TBC1D5: variants seen among roughly 807,000 people sequenced by gnomAD.
TBC1D5 encodes TBC1 domain family, member 5.
A neutral mutation model predicts 100.3 loss-of-function variants in TBC1D5; 75 were observed. That is an observed-to-expected ratio of 0.75 (90% CI 0.62 to 0.91). The LOEUF (loss-of-function observed/expected upper bound fraction) is 0.91, where lower values mean the gene tolerates loss of function less well. TBC1D5 is among the 40% of genes least tolerant of loss of function. TBC1D5 has a pLI of 0.00. For missense variants in TBC1D5, 910 were observed against 942.4 expected, an observed-to-expected ratio of 0.97 and a Z score of 0.45; for synonymous variants, 323 against 325.6, an observed-to-expected ratio of 0.99 and a Z score of 0.09.
chr3:17,463,838 C>T (rs1040513485), intron 3 of TBC1D5, among the ~76,000 whole-genome samples: 4 of 151,696 alleles, frequency 2.6e-5, no homozygotes, highest in African/African-American at 9.7e-5. Flanking sequence ...ATGTGGCCTG[C>T]TAATTTCATG....
At chr3:17,256,461 T>C (rs1024365642) in intron 16 of TBC1D5, among the ~76,000 whole-genome samples, 4 of 148,794 alleles carry the variant, frequency 2.7e-5, no homozygotes, top group African/African-American at 4.9e-5. Context: ...GTTATATATA[T>C]ATAAACTCAA....
chr3:17,180,254 G>A (rs2068284183), intron 19 of TBC1D5, among the ~76,000 whole-genome samples: 1 of 152,162 alleles, frequency 6.6e-6, no homozygotes, highest in Non-Finnish European at 1.5e-5. Flanking sequence ...AATTTTGGTA[G>A]TTTTGGCAAC....
intron 13 of TBC1D5, among the ~76,000 whole-genome samples, chr3:17,308,569 T>C (rs967284164): frequency 2.6e-5 from 4 of 152,266 alleles, no homozygotes; most frequent in East Asian, 1.9e-4. Flanking sequence ...ACAAATCCAA[T>C]AGAAACTTAG....
intron 14 of TBC1D5, among the ~76,000 whole-genome samples, chr3:17,301,930 T>C (rs2082886507): frequency 6.6e-6 from 1 of 152,244 alleles, no homozygotes; most frequent in South Asian, 2.1e-4. Context: ...TCTCACATTA[T>C]TTCTTTATTG....
chr3:17,398,753 T>C (rs2093571767), intron 8 of TBC1D5, among the ~76,000 whole-genome samples: 1 of 152,064 alleles, frequency 6.6e-6, no homozygotes, highest in Non-Finnish European at 1.5e-5. Flanking sequence ...AATTTTTTTT[T>C]CCTGTTTTCT....
intron 19 of TBC1D5, among the ~76,000 whole-genome samples, chr3:17,169,004 A>ATGCACAGGCTTCTCTT (rs1437220536): frequency 9.2e-5 from 14 of 152,164 alleles, no homozygotes; most frequent in Non-Finnish European, 1.5e-4. Flanking sequence ...CTCCAAATCT[A>ATGCACAGGCTTCTCTT]TGCACAGGCT....
chr3:17,705,920 G>C (rs527537088), intron 1 of TBC1D5: 14 of 1,010,484 alleles, frequency 1.4e-5, no homozygotes, highest in Admixed American at 1.1e-4. Flanking sequence ...CCTCGGGCCC[G>C]CGGGGCCCGT....
At chr3:17,693,658 G>T (rs1186563265) in intron 1 of TBC1D5, among the ~76,000 whole-genome samples, 1 of 152,254 alleles carries the variant, frequency 6.6e-6, no homozygotes, top group Non-Finnish European at 1.5e-5. Context: ...ACAGGCCTTA[G>T]CTGGACAAAA....
At chr3:17,357,449 A>C (rs2091315676) in intron 13 of TBC1D5, among the ~76,000 whole-genome samples, 1 of 152,154 alleles carries the variant, frequency 6.6e-6, no homozygotes, top group Admixed American at 6.5e-5. Context: ...AAAAATAATG[A>C]TAGGATTTGG....
Position 17,485,689 on chromosome 3 carries a change from G to C in TBC1D5, c.97+22785C>G, listed in dbSNP as rs567812315. Among the ~76,000 whole-genome samples, 26 of 152,086 alleles carry C rather than the reference G, an allele frequency of 1.7e-4. No homozygotes were observed. The East Asian group carries it at 5.0e-3, about 29-fold the overall frequency. On this transcript the variant is annotated intron_variant, in intron 3 of 21. Coordinates refer to ENST00000253692, the Ensembl canonical transcript of TBC1D5. ...TATGAACTCATCATTTTTTATGGCT[G>C]CATAGTATTCCATGATGTATATGTG...
At chr3:17,265,404 T>C (rs555482159) in intron 15 of TBC1D5, among the ~76,000 whole-genome samples, 2 of 152,230 alleles carry the variant, frequency 1.3e-5, no homozygotes, top group South Asian at 2.1e-4. Context: ...TTTTATAGCA[T>C]GCTAGATTAC....
At chr3:17,196,072 C>T (rs1464743797) in intron 18 of TBC1D5, among the ~76,000 whole-genome samples, 1 of 152,184 alleles carries the variant, frequency 6.6e-6, no homozygotes, top group African/African-American at 2.4e-5. Flanking sequence ...TATTCCTAAA[C>T]GTTTACTGAG....
chr3:17,583,147 T>C (rs948299092), intron 2 of TBC1D5, among the ~76,000 whole-genome samples: 4 of 151,646 alleles, frequency 2.6e-5, no homozygotes, highest in Non-Finnish European at 5.9e-5. Flanking sequence ...TAGCCAGGTA[T>C]GGTGGCTCAC....
chr3:17,677,562 T>G (rs752008781), intron 1 of TBC1D5, among the ~76,000 whole-genome samples: 15 of 152,146 alleles, frequency 9.9e-5, no homozygotes, highest in Non-Finnish European at 1.6e-4. Flanking sequence ...TGTAAACTAG[T>G]TCAGCCAAAG....
intron 3 of TBC1D5, among the ~76,000 whole-genome samples, chr3:17,473,878 T>G (rs1028066662): frequency 1.3e-5 from 2 of 150,818 alleles, no homozygotes; most frequent in African/African-American, 5.0e-5. Flanking sequence ...TCCTCATTAG[T>G]TTTTACTTTA....
At chr3:17,336,356 T>C (rs1008515543) in intron 13 of TBC1D5, among the ~76,000 whole-genome samples, 2 of 152,108 alleles carry the variant, frequency 1.3e-5, no homozygotes, top group African/African-American at 4.8e-5. Flanking sequence ...TTAACTGGGA[T>C]TGCATTTGGC....
At chr3:17,422,533 T>C (rs752619816) in intron 4 of TBC1D5, among the ~76,000 whole-genome samples, 2 of 152,072 alleles carry the variant, frequency 1.3e-5, no homozygotes, top group Non-Finnish European at 2.9e-5. Flanking sequence ...TTAACAAAAT[T>C]ATATCACTTT....
intron 1 of TBC1D5, among the ~76,000 whole-genome samples, chr3:17,737,464 A>C (rs2077046220): frequency 6.6e-6 from 1 of 152,230 alleles, no homozygotes. Context: ...GAAATTCTCA[A>C]CAGTGCAGAT....
In TBC1D5 at chr3:17,251,455, A is replaced by G. The variant is rs571940328; in HGVS notation, c.1331+7051T>C. 8.7e-5 allele frequency among the ~76,000 whole-genome samples: 12 copies of G among 138,544 alleles called. No individual in the cohort carries two copies. In the South Asian group the frequency reaches 3.2e-3, roughly 37 times the overall value. The allele number at this position is 138,544 out of a possible 152,430, so 90.9% of individuals were successfully genotyped here. ...CCCCCCCCCAGTAGAAGCGATTAGAAGTGGAGGTTAGACAAGAGACAGGCA... is the reference window on the plus strand; with the variant it reads ...CCCCCCCCCAGTAGAAGCGATTAGAGGTGGAGGTTAGACAAGAGACAGGCA... On this transcript the variant is annotated intron_variant, in intron 16 of 21. Coordinates refer to ENST00000253692, the Ensembl canonical transcript of TBC1D5.
Sources: allele counts gnomAD v4.1 joint callset (sites outside exome capture counted in the v4.1 genomes callset), GRCh38; gene constraint gnomAD v4.1.1; transcripts MANE v1.5; gene names NCBI Gene and HGNC (gene_info 2026-07-23, HGNC 2026-07-21).